CDH4: variants seen among roughly 807,000 people sequenced by gnomAD.
CDH4 encodes the protein cadherin 4.
In CDH4, 33 loss-of-function variants were observed where a neutral mutation model predicts 86.0. The observed-to-expected ratio is 0.38, with a 90% CI of 0.29 to 0.51. The LOEUF is 0.51. Among genes scored for constraint, CDH4 ranks in the 20% least tolerant of loss-of-function variants. CDH4 has a pLI of 0.86. For synonymous variants in CDH4, 555 were observed against 549.4 expected (o/e 1.01, Z -0.14); for missense variants, 1,114 against 1,307.4 (o/e 0.85, Z 2.28).
intron 2 of CDH4, among the ~76,000 whole-genome samples, chr20:61,344,665 A>G (rs1399833097): frequency 1.3e-5 from 2 of 152,202 alleles, no homozygotes; most frequent in African/African-American, 4.8e-5. Flanking sequence ...AGTTTCATAC[A>G]TGCTGCCAGT....
chr20:61,689,717 A>T (rs953643257), intron 2 of CDH4, among the ~76,000 whole-genome samples: 3 of 150,404 alleles, frequency 2.0e-5, no homozygotes, highest in Non-Finnish European at 4.4e-5. Flanking sequence ...TGGTGAGGTG[A>T]TGTGGAATAG....
At chr20:61,907,367 G>A (rs1287635229) in intron 8 of CDH4, among the ~76,000 whole-genome samples, 4 of 152,110 alleles carry the variant, frequency 2.6e-5, no homozygotes, top group South Asian at 2.1e-4. Flanking sequence ...CCAGGATCCC[G>A]TGTGGCCACA....
rs569199495 is a variant in CDH4, at chr20:61,331,213, C to T, written c.169+76276C>T. Reference sequence around the variant, plus strand: ...GAGCCTGCCATGGCCACAGCTGCACCATCTCCATAGCCACCCTCTAAAGCT... The same window carrying T: ...GAGCCTGCCATGGCCACAGCTGCACTATCTCCATAGCCACCCTCTAAAGCT... On this transcript the variant is annotated intron_variant, in intron 2 of 15. Transcript: ENST00000614565. 6.6e-5 allele frequency among the ~76,000 whole-genome samples: 10 copies of T among 152,076 alleles called. No homozygotes were observed. The East Asian group carries it at 1.9e-3, about 29-fold the overall frequency.
At chr20:61,464,404 A>C (rs1254853701) in intron 2 of CDH4, among the ~76,000 whole-genome samples, 5 of 152,200 alleles carry the variant, frequency 3.3e-5, no homozygotes, top group Non-Finnish European at 7.4e-5. Flanking sequence ...GTAGGAGACA[A>C]GAAGTTAACG....
intron 4 of CDH4, among the ~76,000 whole-genome samples, chr20:61,834,703 C>T (rs1246255435): frequency 1.4e-5 from 2 of 143,954 alleles, no homozygotes; most frequent in African/African-American, 4.9e-5. Context: ...CAGGTTGACA[C>T]TTGGCGCTGC....
intron 2 of CDH4, among the ~76,000 whole-genome samples, chr20:61,569,272 CAATT>C: frequency 6.6e-6 from 1 of 152,272 alleles, no homozygotes; most frequent in South Asian, 2.1e-4. Flanking sequence ...AGTAAGTGCT[CAATT>C]AATGCTAGCT....
At position 61,563,355 on chromosome 20, in the gene CDH4, C is replaced by G. The variant is rs559103319; in HGVS notation, c.170-180208C>G. On this transcript the variant is annotated intron_variant, in intron 2 of 15. Coordinates refer to ENST00000614565, the MANE Select transcript of CDH4 (RefSeq NM_001794.5). ...TTGGGAAGAAGGACCCTTGTAGGTG[C>G]AGAGTGCCAAGGGTGTGGAGAGCTG... Among the ~76,000 whole-genome samples the G allele has an allele frequency of 6.6e-5, 10 of 152,360 alleles. No homozygotes were observed. The South Asian group carries it at 1.4e-3, about 22-fold the overall frequency.
At chr20:61,545,416 C>T (rs1477511320) in intron 2 of CDH4, among the ~76,000 whole-genome samples, 4 of 152,198 alleles carry the variant, frequency 2.6e-5, no homozygotes, top group Admixed American at 2.0e-4. Flanking sequence ...CAGGTCATGG[C>T]GATCAGTCTG....
chr20:61,711,491 C>T (rs187316646), intron 2 of CDH4, among the ~76,000 whole-genome samples: 100 of 152,334 alleles, frequency 6.6e-4, no homozygotes, highest in African/African-American at 2.1e-3. Flanking sequence ...ACCTGTGTTC[C>T]GACTCTGCCT....
chr20:61,863,426 C>T (rs987033433), intron 6 of CDH4, among the ~76,000 whole-genome samples: 6 of 152,174 alleles, frequency 3.9e-5, no homozygotes, highest in African/African-American at 1.4e-4. Flanking sequence ...TCAAAGCCCA[C>T]GGGGCAGGAG....
At chr20:61,675,303 C>T (rs940400529) in intron 2 of CDH4, among the ~76,000 whole-genome samples, 2 of 138,180 alleles carry the variant, frequency 1.4e-5, no homozygotes, top group East Asian at 4.7e-4. Context: ...AAACAACCAT[C>T]GTAGGGGCTG....
intron 2 of CDH4, among the ~76,000 whole-genome samples, chr20:61,320,008 C>A (rs1363790508): frequency 6.6e-6 from 1 of 151,854 alleles, no homozygotes; most frequent in Non-Finnish European, 1.5e-5. Context: ...GAACATCCAG[C>A]CAATGGTATT....
intron 2 of CDH4, among the ~76,000 whole-genome samples, chr20:61,463,398 A>G (rs1490533661): frequency 1.3e-5 from 2 of 152,246 alleles, no homozygotes; most frequent in Admixed American, 1.3e-4. Flanking sequence ...CCAAAGTTCA[A>G]CCAAGTGAGG....
intron 6 of CDH4, among the ~76,000 whole-genome samples, chr20:61,867,528 CG>C (rs1983601215): frequency 7.1e-6 from 1 of 141,554 alleles, no homozygotes; most frequent in Non-Finnish European, 1.5e-5. Context: ...CCTGCCTGGG[CG>C]ACAGAGCAAG....
At chr20:61,434,636 A>G (rs1405159743) in intron 2 of CDH4, 1 of 152,144 alleles carries the variant, frequency 6.6e-6, no homozygotes, top group Non-Finnish European at 1.5e-5. Flanking sequence ...ATTTAAGCAC[A>G]TTAGCGAGCT....
chr20:61,296,269 G>GTGTGTGCA (rs1568786558), intron 2 of CDH4, among the ~76,000 whole-genome samples: 2 of 144,552 alleles, frequency 1.4e-5, no homozygotes, highest in Admixed American at 1.4e-4. Context: ...GTGCGTGTGT[G>GTGTGTGCA]TGTGTGCGTG....
intron 2 of CDH4, among the ~76,000 whole-genome samples, chr20:61,626,571 G>A (rs897112566): frequency 1.3e-5 from 2 of 152,212 alleles, no homozygotes; most frequent in African/African-American, 4.8e-5. Flanking sequence ...AAGCTCCTCT[G>A]TGAGCTGGCT....
At chr20:61,890,601 G>A (rs1203443785) in intron 7 of CDH4, among the ~76,000 whole-genome samples, 1 of 151,938 alleles carries the variant, frequency 6.6e-6, no homozygotes, top group Admixed American at 6.6e-5. Context: ...GGTAAATGAT[G>A]GATGGATGGA....
intron 4 of CDH4, among the ~76,000 whole-genome samples, chr20:61,773,413 G>T (rs1429250244): frequency 6.6e-6 from 1 of 152,322 alleles, no homozygotes; most frequent in South Asian, 2.1e-4. Context: ...TTCTCTCTTG[G>T]TTACTTTCAA....
Sources: allele counts gnomAD v4.1 joint callset (sites outside exome capture counted in the v4.1 genomes callset), GRCh38; gene constraint gnomAD v4.1.1; transcripts MANE v1.5; gene names NCBI Gene and HGNC (gene_info 2026-07-23, HGNC 2026-07-21).